The following C8orf34 variants were observed in gnomAD, a reference collection of about 807,000 sequenced individuals.
C8orf34 encodes uncharacterized protein C8orf34.
In C8orf34, 65 loss-of-function variants were observed where a neutral mutation model predicts 68.3. That is an observed-to-expected ratio of 0.95 (90% confidence interval 0.78 to 1.17). The LOEUF is 1.17. C8orf34 is among the 50% of genes most tolerant of loss of function. C8orf34 has a pLI of 0.00. For synonymous variants in C8orf34, 244 were observed against 241.2 expected (o/e 1.01, Z -0.11); for missense variants, 664 against 655.4 (o/e 1.01, Z -0.14).
intron 8 of C8orf34, among the ~76,000 whole-genome samples, chr8:68,704,415 G>A (rs754051304): frequency 4.6e-5 from 7 of 152,034 alleles, no homozygotes; most frequent in African/African-American, 1.2e-4. Context: ...AAGCAAAAGC[G>A]GTTTGGAGTT....
intron 7 of C8orf34, among the ~76,000 whole-genome samples, chr8:68,543,942 C>T (rs983823098): frequency 1.3e-5 from 2 of 152,112 alleles, no homozygotes; most frequent in Admixed American, 1.3e-4. Flanking sequence ...ACAAGGTGAG[C>T]TCTGTGTTTC....
chr8:68,330,797 ACACACACACACGCACGCACG>A (rs1805535052), upstream of C8orf34: 17 of 454,302 alleles, frequency 3.7e-5, no homozygotes, highest in Admixed American at 4.0e-4. Flanking sequence ...GCGCACGGAC[ACACACACACACGCACGCACG>A]CACACACACC....
chr8:68,385,404 T>G lies in C8orf34; in HGVS notation c.327+54065T>G, dbSNP rs549411204. 1.3e-4 allele frequency among the ~76,000 whole-genome samples: 20 copies of G among 152,286 alleles called. 1 individual carries two copies. The South Asian group carries it at 1.7e-3, about 13-fold the overall frequency. ...CTAAACACTGGAAACAGGAATAGCATTTTTAGTTTTCAACATAGAAAACTA... is the reference window on the plus strand; with the variant it reads ...CTAAACACTGGAAACAGGAATAGCAGTTTTAGTTTTCAACATAGAAAACTA... On this transcript the variant is annotated intron_variant, in intron 1 of 13. Transcript: ENST00000518698.
At chr8:68,721,822 G>A (rs1365595456) in intron 10 of C8orf34, among the ~76,000 whole-genome samples, 2 of 151,706 alleles carry the variant, frequency 1.3e-5, no homozygotes. Flanking sequence ...CAGTATTTTG[G>A]GAGAGAACCA....
intron 7 of C8orf34, among the ~76,000 whole-genome samples, chr8:68,618,115 G>T (rs1818281542): frequency 6.6e-6 from 1 of 151,676 alleles, no homozygotes; most frequent in Admixed American, 6.6e-5. Context: ...TGTCTCAAAT[G>T]GATATCAATT....
chr8:68,433,381 A>T (rs1810528316), intron 1 of C8orf34, among the ~76,000 whole-genome samples: 1 of 152,214 alleles, frequency 6.6e-6, no homozygotes, highest in South Asian at 2.1e-4. Context: ...TCCATCATTA[A>T]TAGAGTACAA....
At chr8:68,563,560 T>C (rs531176814) in intron 7 of C8orf34, among the ~76,000 whole-genome samples, 29 of 152,050 alleles carry the variant, frequency 1.9e-4, no homozygotes, top group African/African-American at 6.5e-4. Flanking sequence ...ATCCCAGTGC[T>C]ACAAAGGGAG....
At chr8:68,806,352 A>G (rs1010793237) in intron 12 of C8orf34, among the ~76,000 whole-genome samples, 8 of 151,930 alleles carry the variant, frequency 5.3e-5, no homozygotes, top group Non-Finnish European at 1.5e-5. Context: ...GTTTGTAATT[A>G]CTGGTGGTGA....
chr8:68,524,733 T>C (rs4236961), intron 6 of C8orf34, among the ~76,000 whole-genome samples: 76,359 of 151,972 alleles, frequency 0.5, 19,224 homozygotes, highest in Non-Finnish European at 0.52. Flanking sequence ...AATAATCCCA[T>C]GTTTATAATA....
At chr8:68,463,867 T>C (rs1027219033) in intron 3 of C8orf34, among the ~76,000 whole-genome samples, 6 of 152,306 alleles carry the variant, frequency 3.9e-5, no homozygotes, top group Non-Finnish European at 5.9e-5. Flanking sequence ...AAGCATTCCC[T>C]TTGAAAACTG....
chr8:68,675,403 A>G (rs1351527029), intron 8 of C8orf34, among the ~76,000 whole-genome samples: 2 of 152,164 alleles, frequency 1.3e-5, no homozygotes, highest in Admixed American at 6.5e-5. Context: ...AGAAACAAGA[A>G]AAAGTTAAAA....
chr8:68,614,853 A>G (rs1317488991), intron 7 of C8orf34, among the ~76,000 whole-genome samples: 12 of 152,268 alleles, frequency 7.9e-5, no homozygotes, highest in South Asian at 2.1e-4. Context: ...GATGGGGATG[A>G]CATTGAATCT....
At chr8:68,567,276 A>T (rs931265331) in intron 7 of C8orf34, among the ~76,000 whole-genome samples, 7 of 151,792 alleles carry the variant, frequency 4.6e-5, no homozygotes, top group African/African-American at 1.7e-4. Context: ...TTTTGTTGGT[A>T]ATTTTTAAAT....
intron 1 of C8orf34, among the ~76,000 whole-genome samples, chr8:68,437,071 A>G (rs1388841377): frequency 6.6e-6 from 1 of 152,210 alleles, no homozygotes; most frequent in East Asian, 1.9e-4. Flanking sequence ...CCTATTGCAA[A>G]CATCGACTAT....
At chr8:68,491,866 T>C (rs372771939) in intron 5 of C8orf34, among the ~76,000 whole-genome samples, 4 of 152,184 alleles carry the variant, frequency 2.6e-5, no homozygotes, top group African/African-American at 9.7e-5. Context: ...TTTATATCTG[T>C]ATGTGGTTCT....
chr8:68,567,923 G>A (rs1816644998), intron 7 of C8orf34, among the ~76,000 whole-genome samples: 1 of 151,828 alleles, frequency 6.6e-6, no homozygotes, highest in Non-Finnish European at 1.5e-5. Flanking sequence ...GCTTTTGAAA[G>A]TGAGAGACAT....
intron 9 of C8orf34, among the ~76,000 whole-genome samples, chr8:68,709,326 C>T (rs1821267075): frequency 6.6e-6 from 1 of 152,150 alleles, no homozygotes; most frequent in South Asian, 2.1e-4. Context: ...AAGGTCCAAA[C>T]AGATCAACTA....
At chr8:68,684,121 A>T (rs1820445938) in intron 8 of C8orf34, among the ~76,000 whole-genome samples, 1 of 151,998 alleles carries the variant, frequency 6.6e-6, no homozygotes, top group Non-Finnish European at 1.5e-5. Flanking sequence ...TTCTTTCATC[A>T]TCTGAATGAA....
intron 1 of C8orf34, among the ~76,000 whole-genome samples, chr8:68,386,470 G>A (rs566641346): frequency 6.6e-6 from 1 of 152,130 alleles, no homozygotes; most frequent in Non-Finnish European, 1.5e-5. Context: ...TATTTATTCT[G>A]TATCTGTTCA....
Sources: gnomAD v4.1 joint callset for allele counts (sites outside exome capture counted in the v4.1 genomes callset) on GRCh38, gnomAD v4.1.1 for gene constraint, MANE v1.5 for transcripts, NCBI Gene and HGNC (gene_info 2026-07-23, HGNC 2026-07-21) for gene names.